SORBS2: variants seen among roughly 807,000 people sequenced by gnomAD.
The protein encoded by SORBS2 is sorbin and SH3 domain containing 2.
In SORBS2, 46 loss-of-function variants were observed where a neutral mutation model predicts 97.7. That is an observed-to-expected ratio of 0.47 (90% CI 0.37 to 0.60). The LOEUF is 0.60. Among genes scored for constraint, SORBS2 ranks in the 20% least tolerant of loss-of-function variants. SORBS2 has a pLI of 0.00. For synonymous variants in SORBS2, 476 were observed against 473.4 expected, an observed-to-expected ratio of 1.01 and a Z score of -0.07; for missense variants, 1,316 against 1,282.3, an observed-to-expected ratio of 1.03 and a Z score of -0.40.
intron 2 of SORBS2, among the ~76,000 whole-genome samples, chr4:185,699,776 A>C (rs2153530388): frequency 6.6e-6 from 1 of 152,376 alleles, no homozygotes; most frequent in African/African-American, 2.4e-5. Flanking sequence ...ATCTAATAAA[A>C]GTAGACAATA....
At chr4:185,736,816 A>T (rs2098690669) in intron 2 of SORBS2, among the ~76,000 whole-genome samples, 1 of 152,198 alleles carries the variant, frequency 6.6e-6, no homozygotes, top group Non-Finnish European at 1.5e-5. Context: ...CACCCTCAGC[A>T]GGGACTTGGA....
At chr4:185,763,025 C>T (rs1303874432) in intron 2 of SORBS2, among the ~76,000 whole-genome samples, 2 of 152,076 alleles carry the variant, frequency 1.3e-5, no homozygotes, top group Non-Finnish European at 2.9e-5. Flanking sequence ...CCCATCTCTA[C>T]TAAAAATACA....
intron 2 of SORBS2, chr4:185,770,831 T>A (rs545850218): frequency 2.6e-5 from 4 of 152,300 alleles, no homozygotes; most frequent in Admixed American, 6.5e-5. Flanking sequence ...AAGCACTGAT[T>A]TTTGCATTCT....
intron 1 of SORBS2, among the ~76,000 whole-genome samples, chr4:185,914,256 T>C (rs1016114890): frequency 6.6e-6 from 1 of 152,218 alleles, no homozygotes; most frequent in Non-Finnish European, 1.5e-5. Context: ...GAAATAAGTA[T>C]ATTTTCTCTC....
At chr4:185,945,738 G>A (rs1194494748) in intron 1 of SORBS2, among the ~76,000 whole-genome samples, 4 of 152,208 alleles carry the variant, frequency 2.6e-5, no homozygotes, top group African/African-American at 4.8e-5. Context: ...TGAGCAGAGA[G>A]GACAGATATC....
intron 2 of SORBS2, among the ~76,000 whole-genome samples, chr4:185,741,410 T>TG (rs1312434663): frequency 1.7e-4 from 24 of 144,586 alleles, no homozygotes; most frequent in Admixed American, 2.7e-4. Flanking sequence ...TTTTGTTTTT[T>TG]TTTTTTTTTT....
chr4:185,782,656 T>C (rs1163188404), intron 1 of SORBS2, among the ~76,000 whole-genome samples: 1 of 152,228 alleles, frequency 6.6e-6, no homozygotes, highest in Non-Finnish European at 1.5e-5. Flanking sequence ...GGTATGAAAC[T>C]CTTTCTTGTG....
At chr4:185,694,611 G>T (rs2098143404) in intron 2 of SORBS2, among the ~76,000 whole-genome samples, 1 of 151,604 alleles carries the variant, frequency 6.6e-6, no homozygotes, top group East Asian at 1.9e-4. Flanking sequence ...TGTGTTGATT[G>T]TTCATGGAAG....
intron 1 of SORBS2, among the ~76,000 whole-genome samples, chr4:185,905,744 A>G (rs1017959051): frequency 1.3e-5 from 2 of 152,030 alleles, no homozygotes; most frequent in Non-Finnish European, 2.9e-5. Flanking sequence ...GATTACACAC[A>G]TGAGCTACTA....
At chr4:185,851,097 C>A (rs1472432121) in intron 1 of SORBS2, among the ~76,000 whole-genome samples, 1 of 152,158 alleles carries the variant, frequency 6.6e-6, no homozygotes, top group Non-Finnish European at 1.5e-5. Flanking sequence ...GAAGCAATTT[C>A]TATAATAAAT....
At chr4:185,954,336 T>C (rs1392877180) in intron 1 of SORBS2, among the ~76,000 whole-genome samples, 2 of 152,250 alleles carry the variant, frequency 1.3e-5, no homozygotes, top group African/African-American at 4.8e-5. Context: ...TATTTTTATC[T>C]TACAGTTGAT....
intron 1 of SORBS2, among the ~76,000 whole-genome samples, chr4:185,925,258 C>A (rs1456856062): frequency 6.6e-6 from 1 of 152,124 alleles, no homozygotes; most frequent in Middle Eastern, 3.2e-3. Flanking sequence ...TCCTCTAATG[C>A]CACTGGTCCT....
intron 1 of SORBS2, among the ~76,000 whole-genome samples, chr4:185,778,291 G>A (rs1419608819): frequency 6.6e-6 from 1 of 152,196 alleles, no homozygotes; most frequent in Non-Finnish European, 1.5e-5. Context: ...CAGAGCGTCT[G>A]ATTCAGTAGG....
intron 6 of SORBS2, among the ~76,000 whole-genome samples, chr4:185,624,753 C>T (rs893734007): frequency 8.5e-5 from 13 of 152,100 alleles, no homozygotes; most frequent in African/African-American, 2.4e-4. Flanking sequence ...AAGAAGCAAC[C>T]GACGTAAGCA....
intron 1 of SORBS2, among the ~76,000 whole-genome samples, chr4:185,897,725 CGA>C (rs2149820270): frequency 6.6e-6 from 1 of 152,232 alleles, no homozygotes; most frequent in African/African-American, 2.4e-5. Flanking sequence ...CAAACCAGCA[CGA>C]GAGGGCGTTC....
intron 1 of SORBS2, among the ~76,000 whole-genome samples, chr4:185,796,490 A>G (rs1229175900): frequency 0.02 from 1,632 of 80,898 alleles, 2 homozygotes; most frequent in Middle Eastern, 0.11. Context: ...GGTCACGGTG[A>G]GGCTGGGCAT....
exon 6 of SORBS2, chr4:185,626,881 A>T: frequency 6.2e-7 from 1 of 1,614,214 alleles, no homozygotes; most frequent in South Asian, 1.1e-5. Context: ...AAGACTTTGT[A>T]AGAGTGGTGC....
chr4:185,813,287 C>A (rs911217830), intron 1 of SORBS2, among the ~76,000 whole-genome samples: 3 of 152,208 alleles, frequency 2.0e-5, no homozygotes, highest in African/African-American at 7.2e-5. Flanking sequence ...TGTTAACACT[C>A]CTGCCTTCAG....
intron 1 of SORBS2, among the ~76,000 whole-genome samples, chr4:185,949,104 G>T (rs1182248823): frequency 6.6e-6 from 1 of 152,018 alleles, no homozygotes; most frequent in Non-Finnish European, 1.5e-5. Context: ...GGGGAGAGAT[G>T]CTGTATTCCA....
Sources: gnomAD v4.1 joint callset for allele counts (sites outside exome capture counted in the v4.1 genomes callset) on GRCh38, gnomAD v4.1.1 for gene constraint, MANE v1.5 for transcripts, NCBI Gene and HGNC (gene_info 2026-07-23, HGNC 2026-07-21) for gene names.